Variants in AQR observed in about 807,000 individuals in gnomAD.
AQR encodes the protein aquarius intron-binding spliceosomal factor.
AQR carries 61 observed loss-of-function variants against 180.5 expected under a neutral mutation model. That is an observed-to-expected ratio of 0.34 (90% confidence interval 0.28 to 0.42). The LOEUF is 0.42. AQR is among the 10% of genes least tolerant of loss of function. The pLI is 1.00. For synonymous variants in AQR, 551 were observed against 588.8 expected, an observed-to-expected ratio of 0.94 and a Z score of 0.93; for missense variants, 1,281 against 1,798.3, an observed-to-expected ratio of 0.71 and a Z score of 5.20.
At chr15:34,898,047 G>A (rs1354767416) in intron 20 of AQR, among the ~76,000 whole-genome samples, 2 of 152,190 alleles carry the variant, frequency 1.3e-5, no homozygotes, top group East Asian at 3.8e-4. Flanking sequence ...TCTAAGATGA[G>A]TCTCAAAGAA....
At chr15:34,960,734 C>G in intron 3 of AQR, 40 bp downstream of exon 3, 1 of 821,714 alleles carries the variant, frequency 1.2e-6, no homozygotes, top group Non-Finnish European at 1.9e-6. Context: ...CAACTTGGTC[C>G]ACCCCAATCA....
At chr15:34,927,552 G>A (rs1319384400) in intron 12 of AQR, among the ~76,000 whole-genome samples, 1 of 152,220 alleles carries the variant, frequency 6.6e-6, no homozygotes, top group African/African-American at 2.4e-5. Context: ...ACTTATGCTT[G>A]TGCCTTGCTT....
At chr15:34,946,553 C>T (rs897840009) in intron 5 of AQR, among the ~76,000 whole-genome samples, 17 of 143,586 alleles carry the variant, frequency 1.2e-4, no homozygotes, top group East Asian at 2.1e-4. Context: ...CCCCGCCTGG[C>T]CAGCCGCCCC....
At chr15:34,919,009 C>T (rs549447719) in intron 14 of AQR, among the ~76,000 whole-genome samples, 7 of 152,104 alleles carry the variant, frequency 4.6e-5, no homozygotes, top group African/African-American at 1.7e-4. Context: ...GAGGCTGAAG[C>T]AGGTGGATCA....
At chr15:34,920,668 A>G (rs1446604961) in intron 13 of AQR, among the ~76,000 whole-genome samples, 1 of 152,136 alleles carries the variant, frequency 6.6e-6, no homozygotes, top group Non-Finnish European at 1.5e-5. Context: ...ACTTTTAAAT[A>G]TTAATACCGG....
rs748097048 is a variant in AQR, at chr15:34,882,494, G to C, written c.3165+8C>G. ...AAAAAAAAAAAAAAAACTACCATAA[G>C]TCTTTACCTTGAAACCTAGCTTGAC... On this transcript the variant is annotated splice_region_variant and intron_variant, in intron 27 of 34. Coordinates refer to ENST00000156471, the MANE Select transcript of AQR (RefSeq NM_014691.3). 22 of 1,392,786 alleles carry C rather than the reference G, an allele frequency of 1.6e-5. No homozygotes were observed. The highest frequency in any genetic ancestry group is 2.1e-5 in the Non-Finnish European group (22 of 1,040,658). The allele number at this position is 1,392,786 out of a possible 1,614,324, so 86.3% of individuals were successfully genotyped here. A position where few individuals can be genotyped will look rare whatever the true frequency, so the allele number is the denominator to read the frequency against.
chr15:34,935,833 A>T (rs919416974), intron 9 of AQR, among the ~76,000 whole-genome samples: 5 of 152,256 alleles, frequency 3.3e-5, no homozygotes, highest in African/African-American at 1.2e-4. Flanking sequence ...AACAATTTAA[A>T]GGAGCAATTT....
chr15:34,947,032 G>A (rs1183438119), intron 5 of AQR, among the ~76,000 whole-genome samples: 17 of 152,200 alleles, frequency 1.1e-4, no homozygotes, highest in Non-Finnish European at 1.5e-4. Context: ...CATTGAGAAC[G>A]GGCCATGATG....
intron 34 of AQR, among the ~76,000 whole-genome samples, 168 bp from the exon 35 acceptor site, chr15:34,857,274 A>ATGCC (rs1178901608): frequency 6.6e-6 from 1 of 152,248 alleles, no homozygotes; most frequent in East Asian, 1.9e-4. Flanking sequence ...ACCAAGGAAT[A>ATGCC]TGCCTACACA....
chr15:34,953,218 AGTGAGCTT>A (rs771667924), intron 3 of AQR, among the ~76,000 whole-genome samples: 140 of 152,358 alleles, frequency 9.2e-4, no homozygotes, highest in Middle Eastern at 3.4e-3. Flanking sequence ...TAGTGTTGAC[AGTGAGCTT>A]AAAATACTAA....
At chr15:34,961,743 G>A (rs545108917) in intron 2 of AQR, among the ~76,000 whole-genome samples, 1 of 149,438 alleles carries the variant, frequency 6.7e-6, no homozygotes, top group East Asian at 2.0e-4. Context: ...CACTACTGAT[G>A]GCTGGAACTC....
chr15:34,960,667 G>A (rs1352995739), intron 3 of AQR, 107 bp downstream of exon 3: 6 of 548,560 alleles, frequency 1.1e-5, no homozygotes, highest in African/African-American at 8.1e-5. Context: ...CTGACGACCA[G>A]TTTGAAACAG....
chr15:34,886,076 T>G (rs1354172705), intron 25 of AQR, among the ~76,000 whole-genome samples: 2 of 152,160 alleles, frequency 1.3e-5, no homozygotes, highest in African/African-American at 4.8e-5. Context: ...GCCTTTAACT[T>G]CAAGACCCAC....
intron 22 of AQR, among the ~76,000 whole-genome samples, chr15:34,895,381 T>C (rs1014318236): frequency 3.3e-5 from 5 of 151,308 alleles, no homozygotes; most frequent in African/African-American, 1.2e-4. Context: ...TAAATGTGAA[T>C]AGTCTAAACA....
chr15:34,859,237 G>A (rs111255988), intron 34 of AQR, among the ~76,000 whole-genome samples: 90 of 152,188 alleles, frequency 5.9e-4, no homozygotes, highest in African/African-American at 1.7e-3. Flanking sequence ...AAAAAAATGA[G>A]CAGGAAACCT....
Position 34,855,923 on chromosome 15 carries a change from A to C in AQR, c.*869T>G, listed in dbSNP as rs1307984676. On this transcript the variant is annotated 3_prime_UTR_variant, in exon 35 of 35. Coordinates refer to ENST00000156471, the MANE Select transcript of AQR (RefSeq NM_014691.3). ...TCCTTGTGGCTGGTTATCCCAAGAA[A>C]AATAAGGCAGAAAACTCAGAATTTC... The C allele has an allele frequency of 6.6e-6, 1 of 152,222 alleles. No homozygotes were observed. The highest frequency in any genetic ancestry group is 2.4e-5 in the African/African-American group (1 of 41,454). The allele number at this position is 152,222 out of a possible 1,614,324, so 9.4% of individuals were successfully genotyped here.
intron 27 of AQR, among the ~76,000 whole-genome samples, chr15:34,877,942 T>C (rs767211118): frequency 6.6e-5 from 10 of 152,198 alleles, no homozygotes; most frequent in Non-Finnish European, 1.2e-4. Context: ...TAATGGATTA[T>C]AGCTGCTAGG....
chr15:34,902,805 C>T (rs1317887037), intron 19 of AQR, among the ~76,000 whole-genome samples: 1 of 152,126 alleles, frequency 6.6e-6, no homozygotes, highest in Non-Finnish European at 1.5e-5. Flanking sequence ...ATCCTTCGAT[C>T]ACTCAATAAA....
chr15:34,906,065 T>C (rs1461008570), intron 18 of AQR, among the ~76,000 whole-genome samples: 2 of 151,792 alleles, frequency 1.3e-5, no homozygotes, highest in Non-Finnish European at 2.9e-5. Context: ...TCCTGTCCTT[T>C]CCAATATCTA....
Sources: allele counts gnomAD v4.1 joint callset (sites outside exome capture counted in the v4.1 genomes callset), GRCh38; gene constraint gnomAD v4.1.1; transcripts MANE v1.5; gene names NCBI Gene and HGNC (gene_info 2026-07-23, HGNC 2026-07-21).